ATP2B2: variants seen among roughly 807,000 people sequenced by gnomAD.
ATP2B2 encodes the protein ATPase plasma membrane Ca2+ transporting 2, also known as plasma membrane calcium-transporting ATPase 2.
A neutral mutation model predicts 120.0 loss-of-function variants in ATP2B2; 15 were observed. The observed-to-expected ratio is 0.12, with a 90% CI of 0.08 to 0.19. The LOEUF (loss-of-function observed/expected upper bound fraction) is 0.19, where lower values mean the gene tolerates loss of function less well. Among genes scored for constraint, ATP2B2 ranks in the 10% least tolerant of loss-of-function variants. The pLI is 1.00. For missense variants in ATP2B2, 1,045 were observed against 1,719.8 expected (o/e 0.61, Z 6.94); for synonymous variants, 694 against 700.3 (o/e 0.99, Z 0.14).
chr3:10,520,756 T>A (rs895501503), intron 3 of ATP2B2, among the ~76,000 whole-genome samples: 1 of 84,246 alleles, frequency 1.2e-5, no homozygotes, highest in Non-Finnish European at 2.0e-5. Context: ...ACACCTGGCC[T>A]CTTTTTTTTT....
intron 1 of ATP2B2, among the ~76,000 whole-genome samples, chr3:10,667,622 C>A (rs1247453323): frequency 6.6e-6 from 1 of 152,150 alleles, no homozygotes. Context: ...ATAAAAAGCC[C>A]GAGGGCTCAG....
At chr3:10,514,333 G>A (rs2066833856) in intron 3 of ATP2B2, among the ~76,000 whole-genome samples, 1 of 152,198 alleles carries the variant, frequency 6.6e-6, no homozygotes, top group African/African-American at 2.4e-5. Flanking sequence ...GAGGAGGACA[G>A]ACAGGAACTG....
intron 2 of ATP2B2, among the ~76,000 whole-genome samples, chr3:10,572,763 G>A (rs2068156708): frequency 6.6e-6 from 1 of 152,204 alleles, no homozygotes; most frequent in Admixed American, 6.5e-5. Context: ...GGGGCCACAT[G>A]AGAAAATGTC....
chr3:10,526,113 T>C (rs2067085590), intron 3 of ATP2B2, among the ~76,000 whole-genome samples: 1 of 152,240 alleles, frequency 6.6e-6, no homozygotes, highest in South Asian at 2.1e-4. Context: ...GTGTGTGTAA[T>C]ATTTGTATTA....
chr3:10,385,366 A>G, intron 7 of ATP2B2, 39 bp from the exon 8 acceptor site: 1 of 1,589,444 alleles, frequency 6.3e-7, no homozygotes, highest in Non-Finnish European at 8.6e-7. Flanking sequence ...GCAGTGTCAC[A>G]ATGGAGAAAA....
At chr3:10,363,230 C>A (rs923217855) in intron 12 of ATP2B2, among the ~76,000 whole-genome samples, 8 of 152,210 alleles carry the variant, frequency 5.3e-5, no homozygotes, top group African/African-American at 1.4e-4. Flanking sequence ...GAATCAGGGA[C>A]CCTCCCCTTT....
chr3:10,501,783 C>T (rs2066404337), intron 1 of ATP2B2, among the ~76,000 whole-genome samples: 1 of 152,172 alleles, frequency 6.6e-6, no homozygotes, highest in Non-Finnish European at 1.5e-5. Context: ...CCACGTGTGA[C>T]AGGTACAGGC....
intron 15 of ATP2B2, 80 bp from the exon 16 acceptor site, chr3:10,350,279 C>T: frequency 6.3e-7 from 1 of 1,579,210 alleles, no homozygotes; most frequent in African/African-American, 1.3e-5. Flanking sequence ...GGGACATGCC[C>T]AGAGTCACTG....
At chr3:10,404,594 G>C (rs940941864) in intron 3 of ATP2B2, among the ~76,000 whole-genome samples, 6 of 152,224 alleles carry the variant, frequency 3.9e-5, no homozygotes, top group African/African-American at 1.4e-4. Flanking sequence ...CAGTGTGTGG[G>C]TGAGCATTAT....
chr3:10,512,464 GCACACA>G (rs6147706), intron 3 of ATP2B2, among the ~76,000 whole-genome samples: 8,060 of 136,684 alleles, frequency 0.059, 340 homozygotes, highest in East Asian at 0.12. Context: ...AAGTGTGTGC[GCACACA>G]CACACACACA....
At position 10,371,797 on chromosome 3, in the gene ATP2B2, G is replaced by A; in HGVS notation, c.1659+12C>T. The A allele has an allele frequency of 6.2e-7, 1 of 1,614,120 alleles. No individual in the cohort carries two copies. Among genetic ancestry groups the A allele is most frequent in the Non-Finnish European group, 8.5e-7 (1 of 1,180,026 alleles). On this transcript the variant is annotated intron_variant, in intron 12 of 22. Coordinates refer to ENST00000360273, the MANE Select transcript of ATP2B2 (RefSeq NM_001001331.4). The stretch of plus-strand genomic sequence containing the variant: ...TTGCTCCAGGTGGTGGATGTGCCTG[G>A]TCCACACTTACCAGAATCTTGGTGG...
chr3:10,528,113 C>T (rs1332284046), intron 3 of ATP2B2, among the ~76,000 whole-genome samples: 1 of 152,172 alleles, frequency 6.6e-6, no homozygotes, highest in African/African-American at 2.4e-5. Flanking sequence ...CTTTTGTTCT[C>T]ACGAGCATGA....
chr3:10,685,694 A>G (rs1465575854), intron 1 of ATP2B2, among the ~76,000 whole-genome samples: 5 of 152,172 alleles, frequency 3.3e-5, no homozygotes, highest in African/African-American at 1.2e-4. Context: ...AAAGCACCCT[A>G]TGGTCTAGTG....
At chr3:10,647,734 C>T (rs887660637) in intron 1 of ATP2B2, among the ~76,000 whole-genome samples, 1 of 152,116 alleles carries the variant, frequency 6.6e-6, no homozygotes, top group Non-Finnish European at 1.5e-5. Context: ...AATAGTTTTT[C>T]CTCAATAGAG....
rs1374498253 is a variant in ATP2B2, at chr3:10,343,418, T to TC, written c.2704-454dup. ...CGTCCCCCACCCCCCCAATGTCTCCTCCCCTCTTATCCCGCCTTACCTTAA... is the reference window on the plus strand; with the variant it reads ...CGTCCCCCACCCCCCCAATGTCTCCTCCCCCTCTTATCCCGCCTTACCTTAA... On this transcript the variant is annotated intron_variant, in intron 18 of 22. Transcript: ENST00000360273. This position sits in a 1 kb window ranked among gnomAD's most constrained non-coding sequence, Gnocchi z 4.2. Among the ~76,000 whole-genome samples, 1 of 88,280 alleles carries TC rather than the reference T, an allele frequency of 1.1e-5. No homozygotes were observed. The highest frequency in any genetic ancestry group is 2.2e-5 in the Non-Finnish European group (1 of 45,438). 57.9% of individuals were successfully genotyped at this position (88,280 alleles called of 152,430 possible).
At position 10,603,310 on chromosome 3, in the gene ATP2B2, G is replaced by A. The variant is rs556566450; in HGVS notation, c.-415+16607C>T. ...TTTGGCAGATGCTCGATACACGTCA[G>A]TTCTCTAATAGAATCGTTTCTTTTC... On this transcript the variant is annotated intron_variant, in intron 2 of 21. Transcript: ENST00000646379. 2.0e-5 allele frequency among the ~76,000 whole-genome samples: 3 copies of A among 152,378 alleles called. No individual in the cohort carries two copies. The South Asian group carries it at 6.2e-4, about 32-fold the overall frequency.
intron 1 of ATP2B2, among the ~76,000 whole-genome samples, chr3:10,650,437 C>A (rs181362652): frequency 2.6e-4 from 40 of 152,250 alleles, no homozygotes. Context: ...CTGTTAAGGG[C>A]ATTCAGTTTT....
At chr3:10,445,663 G>A (rs1369614316) in intron 2 of ATP2B2, among the ~76,000 whole-genome samples, 5 of 152,248 alleles carry the variant, frequency 3.3e-5, no homozygotes, top group Non-Finnish European at 5.9e-5. Context: ...AACCCCATTT[G>A]TCACTTTCAG....
intron 3 of ATP2B2, among the ~76,000 whole-genome samples, chr3:10,515,788 T>C (rs2066865167): frequency 1.3e-5 from 2 of 152,164 alleles, no homozygotes; most frequent in Non-Finnish European, 2.9e-5. Flanking sequence ...TACTTTGGAG[T>C]TGTGTCCTGA....
Sources: allele counts gnomAD v4.1 joint callset (sites outside exome capture counted in the v4.1 genomes callset), GRCh38; gene constraint gnomAD v4.1.1; non-coding constraint Gnocchi (gnomAD v3.1); transcripts MANE v1.5; gene names NCBI Gene and HGNC (gene_info 2026-07-23, HGNC 2026-07-21).